The following MYO7B variants were observed in gnomAD, a reference collection of about 807,000 sequenced individuals.
The protein encoded by MYO7B is unconventional myosin-VIIb.
In MYO7B, 212 loss-of-function variants were observed where a neutral mutation model predicts 259.7. The observed-to-expected ratio is 0.82, with a 90% CI of 0.73 to 0.91. MYO7B has a LOEUF of 0.91. Ranked by LOEUF, MYO7B falls within the 40% of genes least tolerant of loss-of-function variation. The pLI, the probability that MYO7B is intolerant of heterozygous loss-of-function variation, is 0.00. For missense variants in MYO7B, 2,732 were observed against 2,813.5 expected, an observed-to-expected ratio of 0.97 and a Z score of 0.66; for synonymous variants, 1,197 against 1,166.4, an observed-to-expected ratio of 1.03 and a Z score of -0.54.
chr2:127,581,753 T>A, intron 10 of MYO7B, 138 bp from the exon 11 acceptor site: 1 of 1,200,392 alleles, frequency 8.3e-7, no homozygotes, highest in South Asian at 1.5e-5. Context: ...GCCCTGGCCC[T>A]GGCCTCGGGC....
chr2:127,563,177 A>G lies in MYO7B; in HGVS notation c.19-976A>G, dbSNP rs1289319670. On this transcript the variant is annotated intron_variant, in intron 2 of 47. Coordinates refer to ENST00000409816, the MANE Select transcript of MYO7B (RefSeq NM_001393586.1). ...ACTCTTTGGTCAGTTTTTGTAAATT[A>G]TGGTGAAATACTTGGTCACAACTTC... Among the ~76,000 whole-genome samples the G allele has an allele frequency of 1.3e-5, 2 of 152,128 alleles. 1 individual carries two copies. The highest frequency in any genetic ancestry group is 2.9e-5 in the Non-Finnish European group (2 of 68,028).
Position 127,627,137 on chromosome 2 carries a change from A to G in MYO7B, c.4333+45A>G, listed in dbSNP as rs554796970. The G allele has an allele frequency of 1.2e-5, 20 of 1,603,902 alleles. No individual in the cohort carries two copies. The African/African-American group carries it at 2.4e-4, about 19-fold the overall frequency. ...GGCAGGGAGCAGGTATGGGCTGGGC[A>G]CCCAGGGGTCCCATGCAGCCTTCAC... On this transcript the variant is annotated intron_variant, in intron 32 of 47. Coordinates refer to ENST00000409816, the MANE Select transcript of MYO7B (RefSeq NM_001393586.1). This position sits in a 1 kb window ranked among gnomAD's most constrained non-coding sequence, Gnocchi z 5.6.
chr2:127,630,061 G>A (rs191747826), intron 35 of MYO7B, among the ~76,000 whole-genome samples: 2 of 152,180 alleles, frequency 1.3e-5, no homozygotes, highest in Admixed American at 6.5e-5. Flanking sequence ...CTTCCATCAT[G>A]GGGGTGTCCG....
chr2:127,606,530 A>G lies in MYO7B; in HGVS notation c.2424+602A>G, dbSNP rs1013041173. 2.6e-5 allele frequency among the ~76,000 whole-genome samples: 4 copies of G among 152,348 alleles called. No individual in the cohort carries two copies. The South Asian group carries it at 8.3e-4, about 32-fold the overall frequency. ...CCTTGGGGCCTGTTGCTTCGCATAC[A>G]TCATTTTATTTAATATTAAACCAAC... On this transcript the variant is annotated intron_variant, in intron 20 of 47. Coordinates refer to ENST00000409816, the MANE Select transcript of MYO7B (RefSeq NM_001393586.1).
chr2:127,635,605 G>T, intron 43 of MYO7B, 117 bp from the exon 44 acceptor site: 1 of 1,143,400 alleles, frequency 8.7e-7, no homozygotes, highest in African/African-American at 1.5e-5. Flanking sequence ...ACCCTGCTCA[G>T]TCCGTCCTGG....
rs529422802 is a variant in MYO7B, at chr2:127,567,546, A to C, written c.470+719A>C. On this transcript the variant is annotated intron_variant, in intron 5 of 47. Transcript: ENST00000409816. ...GCCACGGGGATGGAAGCCACCCCTC[A>C]GGGGAGTCTGCACCCGTTGTTCCAG... 5.3e-5 allele frequency among the ~76,000 whole-genome samples: 8 copies of C among 152,308 alleles called. No homozygotes were observed. In the South Asian group the frequency reaches 1.7e-3, roughly 32 times the overall value.
Position 127,634,703 on chromosome 2 carries a change from G to C in MYO7B, c.5713+20G>C, listed in dbSNP as rs758813098. On this transcript the variant is annotated intron_variant, in intron 42 of 47. Transcript: ENST00000409816. ...AAGAAGGTGAGGAGGCCTCTGTGGA[G>C]CTGGGGGAGGGCGTGGCTGGGTGGG... The C allele has an allele frequency of 6.3e-7, 1 of 1,598,592 alleles. No individual in the cohort carries two copies. Among genetic ancestry groups the C allele is most frequent in the Non-Finnish European group, 8.5e-7 (1 of 1,174,500 alleles).
At chr2:127,543,998 C>T (rs1323828030) in intron 1 of MYO7B, among the ~76,000 whole-genome samples, 1 of 152,076 alleles carries the variant, frequency 6.6e-6, no homozygotes, top group African/African-American at 2.4e-5. Context: ...GCCTGCCTCT[C>T]CTGACCTCGT....
chr2:127,574,120 G>C, intron 7 of MYO7B, 58 bp downstream of exon 7: 1 of 1,602,720 alleles, frequency 6.2e-7, no homozygotes. Context: ...TTTCCAAGAG[G>C]GGCCCCTTTC....
intron 29 of MYO7B, 148 bp downstream of exon 29, chr2:127,623,523 AG>A: frequency 1.2e-6 from 1 of 818,652 alleles, no homozygotes; most frequent in Non-Finnish European, 1.9e-6. Flanking sequence ...CCCAGCCACC[AG>A]GCACAGGCAG....
chr2:127,544,263 T>C (rs1693128011), intron 1 of MYO7B, among the ~76,000 whole-genome samples: 1 of 152,108 alleles, frequency 6.6e-6, no homozygotes, highest in South Asian at 2.1e-4. Flanking sequence ...TATTTTTAAA[T>C]AAAAATAACA....
rs974138591 is a variant in MYO7B, at chr2:127,627,763, G to T, written c.4460+453G>T. ...CTGGGGCTGACCCCCACTCCCATGG[G>T]TCTCCATGGATCTCATTGACTGGGA... On this transcript the variant is annotated intron_variant, in intron 33 of 47. Coordinates refer to ENST00000409816, the MANE Select transcript of MYO7B (RefSeq NM_001393586.1). This position sits in a 1 kb window ranked among gnomAD's most constrained non-coding sequence, Gnocchi z 5.6. 12 of 458,366 alleles carry T rather than the reference G, an allele frequency of 2.6e-5. No homozygotes were observed. The highest frequency in any genetic ancestry group is 2.4e-4 in the African/African-American group (12 of 50,162). The allele number at this position is 458,366 out of a possible 1,614,324, so 28.4% of individuals were successfully genotyped here. A position where few individuals can be genotyped will look rare whatever the true frequency, so the allele number is the denominator to read the frequency against.
At position 127,565,384 on chromosome 2, in the gene MYO7B, A is replaced by T; in HGVS notation, c.284A>T (p.Tyr95Phe). Reference protein sequence around the residue: ...LLIRYQQHKIYTYTGSILVAV... With the variant: ...LLIRYQQHKIFTYTGSILVAV... ...ATCCGCTACCAGCAGCACAAGATCT[A>T]TGTGAGTCTCCCCAGCCCTGTGTCC... The change falls in exon 4 of 48, where the codon TAT becomes TTT. Residue 95 changes from tyrosine to phenylalanine, a missense_variant and splice_region_variant. Physicochemically the swap from Tyr to Phe is conservative, Grantham distance 22. Coordinates refer to ENST00000409816, the MANE Select transcript of MYO7B (RefSeq NM_001393586.1). 1 of 1,613,986 alleles carries T rather than the reference A, an allele frequency of 6.2e-7. No individual in the cohort carries two copies. The highest frequency in any genetic ancestry group is 8.5e-7 in the Non-Finnish European group (1 of 1,179,856).
chr2:127,559,700 G>A lies in MYO7B; in HGVS notation c.-23G>A, dbSNP rs199510820. On this transcript the variant is annotated splice_region_variant and 5_prime_UTR_variant, in exon 2 of 48. Transcript: ENST00000409816. This position sits in a 1 kb window ranked among gnomAD's most constrained non-coding sequence, Gnocchi z 4.1. ...CGTTCTGCTTTCTCTCTCCATACAG[G>A]CTTGTGGAACTGCTGACTCAGGATG... The A allele has an allele frequency of 2.5e-4, 400 of 1,613,940 alleles. 4 individuals carry two copies. The Middle Eastern group carries it at 3.5e-3, about 14-fold the overall frequency.
At chr2:127,606,999 T>C (rs763824768) in intron 20 of MYO7B, among the ~76,000 whole-genome samples, 15 of 152,276 alleles carry the variant, frequency 9.9e-5, no homozygotes, top group Non-Finnish European at 1.5e-4. Context: ...TTAGCACTTA[T>C]TTGCATGTCA....
Position 127,628,359 on chromosome 2 carries a change from CCTT to C in MYO7B, c.4461-11_4461-9del, listed in dbSNP as rs1681265499. On this transcript the variant is annotated splice_polypyrimidine_tract_variant and intron_variant, in intron 33 of 47. Transcript: ENST00000409816. This position sits in a 1 kb window ranked among gnomAD's most constrained non-coding sequence, Gnocchi z 4.8. The stretch of plus-strand genomic sequence containing the variant: ...TGGAGGGGGCTCCTGGTCACGCTGT[CCTT>C]CATCTCCAGGGAGGCCCAGGGCGGG... 6.3e-7 allele frequency: 1 copy of C among 1,594,290 alleles called. No individual in the cohort carries two copies. The highest frequency in any genetic ancestry group is 1.1e-5 in the South Asian group (1 of 87,204).
At chr2:127,635,964 C>T (rs1010574012) in intron 44 of MYO7B, 57 bp downstream of exon 44, 6 of 1,522,502 alleles carry the variant, frequency 3.9e-6, no homozygotes, top group Non-Finnish European at 5.3e-6. Flanking sequence ...TGGGCCCCTG[C>T]ACCAGTGCCA....
intron 10 of MYO7B, among the ~76,000 whole-genome samples, chr2:127,581,688 C>T (rs1679105757): frequency 6.6e-6 from 1 of 152,168 alleles, no homozygotes; most frequent in Admixed American, 6.5e-5. Flanking sequence ...CCCCAGGAGA[C>T]CCACTGAGGG....
chr2:127,588,917 G>A (rs1558819442), intron 15 of MYO7B, among the ~76,000 whole-genome samples: 1 of 149,598 alleles, frequency 6.7e-6, no homozygotes, highest in African/African-American at 2.5e-5. Flanking sequence ...GGATGGATGG[G>A]TGAGTGGATG....
Sources: gnomAD v4.1 joint callset for allele counts (sites outside exome capture counted in the v4.1 genomes callset) on GRCh38, gnomAD v4.1.1 for gene constraint, Gnocchi (gnomAD v3.1) non-coding constraint, MANE v1.5 for transcripts, NCBI Gene and HGNC (gene_info 2026-07-23, HGNC 2026-07-21) for gene names.